The following MICU2 variants were observed in gnomAD, a reference collection of about 807,000 sequenced individuals.
MICU2 encodes the protein calcium uptake protein 2, mitochondrial.
MICU2 carries 64 observed loss-of-function variants against 60.4 expected under a neutral mutation model. The ratio of observed to expected loss-of-function variants is 1.06; its 90% CI spans 0.87 to 1.31. The LOEUF is 1.31. MICU2 is among the 50% of genes most tolerant of loss of function. The pLI is 0.00. For missense variants in MICU2, 569 were observed against 531.0 expected (o/e 1.07, Z -0.70); for synonymous variants, 201 against 175.0 (o/e 1.15, Z -1.17).
intron 1 of MICU2, among the ~76,000 whole-genome samples, chr13:21,579,403 C>G (rs558572529): frequency 2.0e-5 from 3 of 148,142 alleles, no homozygotes; most frequent in African/African-American, 7.5e-5. Context: ...TGCAATGATG[C>G]AATCTTGGCT....
At chr13:21,562,089 A>C (rs1887859798) in intron 2 of MICU2, among the ~76,000 whole-genome samples, 1 of 150,538 alleles carries the variant, frequency 6.6e-6, no homozygotes, top group Non-Finnish European at 1.5e-5. Flanking sequence ...TATGTGCCAC[A>C]TTTTCTTAAT....
chr13:21,516,747 C>T (rs1429848337), intron 6 of MICU2, among the ~76,000 whole-genome samples: 1 of 152,130 alleles, frequency 6.6e-6, no homozygotes, highest in African/African-American at 2.4e-5. Flanking sequence ...ACTTGCATTT[C>T]CCTGACAACT....
At position 21,603,948 on chromosome 13, in the gene MICU2, G is replaced by C; in HGVS notation, c.201C>G (p.Val67=). 1 of 1,612,600 alleles carries C rather than the reference G, an allele frequency of 6.2e-7. No individual in the cohort carries two copies. The highest frequency in any genetic ancestry group is 8.5e-7 in the Non-Finnish European group (1 of 1,179,644). ...SVAARDGSFT[V]SAQKNVEHGI... is the part of the protein sequence containing the mutation. Reference sequence around the variant, plus strand: ...GGAGTTAGTCCTGTACCTGTGCGGAGACTGTAAAACTGCCATCCCGCGCCG... The same window carrying C: ...GGAGTTAGTCCTGTACCTGTGCGGACACTGTAAAACTGCCATCCCGCGCCG... The change falls in exon 1 of 12, where the codon GTC becomes GTG. Residue 67 remains valine, a synonymous_variant. Coordinates refer to ENST00000382374, the MANE Select transcript of MICU2 (RefSeq NM_152726.3).
At chr13:21,534,405 C>T (rs940335004) in intron 4 of MICU2, among the ~76,000 whole-genome samples, 8 of 151,940 alleles carry the variant, frequency 5.3e-5, no homozygotes, top group Admixed American at 1.3e-4. Flanking sequence ...GGGGGTCTCC[C>T]TATGTTGCCT....
intron 2 of MICU2, among the ~76,000 whole-genome samples, chr13:21,553,731 A>G (rs1004743159): frequency 6.6e-6 from 1 of 152,258 alleles, no homozygotes; most frequent in Non-Finnish European, 1.5e-5. Flanking sequence ...TAAAAGGCAC[A>G]GACTGACAAA....
chr13:21,517,817 A>G (rs1325024826), intron 6 of MICU2, among the ~76,000 whole-genome samples: 33 of 143,588 alleles, frequency 2.3e-4, no homozygotes, highest in Admixed American at 5.5e-4. Flanking sequence ...GCGCGCGCAC[A>G]CGCGCTACAT....
chr13:21,502,777 G>T, intron 9 of MICU2, 149 bp downstream of exon 9: 1 of 677,780 alleles, frequency 1.5e-6, no homozygotes, highest in Non-Finnish European at 2.4e-6. Context: ...TCCTTTACAG[G>T]AGAAGAGCAT....
rs143825486 is a variant in MICU2, at chr13:21,577,970, C to T, written c.211-11026G>A. Among the ~76,000 whole-genome samples, 686 of 148,692 alleles carry T rather than the reference C, an allele frequency of 4.6e-3. 8 individuals are homozygous for T. Among genetic ancestry groups the T allele is most frequent in the African/African-American group, 0.016 (648 of 41,140 alleles). Reference sequence around the variant, plus strand: ...CTCCGGCCTGGGTGACAGATTTTGTCTCCAAAAAAAATTTAAAATAATAAT... The same window carrying T: ...CTCCGGCCTGGGTGACAGATTTTGTTTCCAAAAAAAATTTAAAATAATAAT... On this transcript the variant is annotated intron_variant, in intron 1 of 11. Coordinates refer to ENST00000382374, the MANE Select transcript of MICU2 (RefSeq NM_152726.3).
At chr13:21,525,139 G>A (rs1886816692) in intron 4 of MICU2, among the ~76,000 whole-genome samples, 1 of 146,838 alleles carries the variant, frequency 6.8e-6, no homozygotes, top group Non-Finnish European at 1.5e-5. Context: ...TATATACCCA[G>A]AAGCAGAACT....
intron 8 of MICU2, among the ~76,000 whole-genome samples, chr13:21,503,710 G>C (rs1379580094): frequency 1.3e-5 from 2 of 152,222 alleles, no homozygotes; most frequent in Admixed American, 1.3e-4. Context: ...CCAGGAAAGG[G>C]ACACGTTGAA....
chr13:21,495,126 A>G, intron 11 of MICU2, 35 bp downstream of exon 11: 1 of 1,544,278 alleles, frequency 6.5e-7, no homozygotes, highest in Non-Finnish European at 8.7e-7. Flanking sequence ...GTTAATGACA[A>G]TGTAAACATG....
intron 9 of MICU2, among the ~76,000 whole-genome samples, chr13:21,498,645 C>T (rs1441780738): frequency 5.3e-5 from 8 of 152,076 alleles, no homozygotes; most frequent in African/African-American, 1.2e-4. Context: ...TCCCAAAGTG[C>T]TGGGATTACA....
intron 6 of MICU2, among the ~76,000 whole-genome samples, chr13:21,520,175 T>C (rs750000533): frequency 6.6e-6 from 1 of 152,218 alleles, no homozygotes; most frequent in Non-Finnish European, 1.5e-5. Flanking sequence ...AGTATTCTAT[T>C]GTATGGATCC....
rs528858558 is a variant in MICU2, at chr13:21,587,591, T to C, written c.210+16348A>G. 7.9e-5 allele frequency among the ~76,000 whole-genome samples: 12 copies of C among 152,300 alleles called. No individual in the cohort carries two copies. The South Asian group carries it at 2.5e-3, about 32-fold the overall frequency. ...GGTGAAAATGCTTTAAAACTGCAAA[T>C]GCAAGTAGGCATAGGAACAATACGA... On this transcript the variant is annotated intron_variant, in intron 1 of 11. Transcript: ENST00000382374.
In MICU2 at chr13:21,604,052, C is replaced by A. The variant is rs769857288; in HGVS notation, c.97G>T (p.Gly33Cys). The A allele has an allele frequency of 6.2e-7, 1 of 1,604,722 alleles. No individual in the cohort carries two copies. Among genetic ancestry groups the A allele is most frequent in the East Asian group, 2.2e-5 (1 of 44,542 alleles). The stretch of plus-strand genomic sequence containing the variant: ...CCGGCCACTGCCGCTGCCAAGGGGC[C>A]GGGACTCCGCACAGCCTGTCGGCTG... ...AVSRQAVRSP[G>C]PLAAAVAGAA... is the part of the protein sequence containing the mutation. Residue 33 changes from glycine to cysteine, a missense_variant, in exon 1 of 12, where the codon GGC becomes TGC. Coordinates refer to ENST00000382374, the MANE Select transcript of MICU2 (RefSeq NM_152726.3).
Position 21,552,857 on chromosome 13 carries a change from G to A in MICU2, c.359-13169C>T, listed in dbSNP as rs1887607167. ...GCCTTGTAGTATAGTTTGAAGTCAG[G>A]TAGCGTGATGCCTCCAGCTTTGTTC... On this transcript the variant is annotated intron_variant, in intron 2 of 11. Coordinates refer to ENST00000382374, the MANE Select transcript of MICU2 (RefSeq NM_152726.3). 4.6e-5 allele frequency among the ~76,000 whole-genome samples: 7 copies of A among 152,274 alleles called. No individual in the cohort carries two copies. In the South Asian group the frequency reaches 1.4e-3, roughly 32 times the overall value.
At chr13:21,595,167 C>T (rs1172490076) in intron 1 of MICU2, among the ~76,000 whole-genome samples, 1 of 152,182 alleles carries the variant, frequency 6.6e-6, no homozygotes, top group African/African-American at 2.4e-5. Flanking sequence ...GTGAAACTCT[C>T]TAGAACTGTA....
chr13:21,517,798 C>T (rs1401388825), intron 6 of MICU2, among the ~76,000 whole-genome samples: 1 of 70,768 alleles, frequency 1.4e-5, no homozygotes, highest in South Asian at 3.6e-4. Flanking sequence ...CACACACACA[C>T]ACGCGCGCGC....
At chr13:21,501,868 T>C (rs1199948) in intron 9 of MICU2, among the ~76,000 whole-genome samples, 144,834 of 152,234 alleles carry the variant, frequency 0.95, 69,032 homozygotes, top group East Asian at 1. Flanking sequence ...AGTCTAGACC[T>C]CTGAATGGGT....
Sources: gnomAD v4.1 joint callset for allele counts (sites outside exome capture counted in the v4.1 genomes callset) on GRCh38, gnomAD v4.1.1 for gene constraint, MANE v1.5 for transcripts, NCBI Gene and HGNC (gene_info 2026-07-23, HGNC 2026-07-21) for gene names.